Variants in AGK observed in about 807,000 individuals in gnomAD.
AGK encodes the protein acylglycerol kinase, also known as acylglycerol kinase, mitochondrial.
In AGK, 52 loss-of-function variants were observed where a neutral mutation model predicts 66.4. The observed-to-expected ratio is 0.78, with a 90% CI of 0.63 to 0.99. AGK has a LOEUF of 0.99. Among genes scored for constraint, AGK ranks in the 50% least tolerant of loss-of-function variants. The pLI, the probability that AGK is intolerant of heterozygous loss-of-function variation, is 0.00. For missense variants in AGK, 451 were observed against 506.6 expected (o/e 0.89, Z 1.05); for synonymous variants, 182 against 181.1 (o/e 1.00, Z -0.04).
chr7:141,578,503 AATAAC>A (rs1310718861), intron 2 of AGK, among the ~76,000 whole-genome samples: 2 of 151,776 alleles, frequency 1.3e-5, no homozygotes, highest in African/African-American at 4.9e-5. Context: ...TAATAAGAAA[AATAAC>A]ATAAAATAGT....
chr7:141,609,090 A>T (rs1169991638), intron 5 of AGK, among the ~76,000 whole-genome samples: 1 of 152,182 alleles, frequency 6.6e-6, no homozygotes, highest in Non-Finnish European at 1.5e-5. Context: ...CTAAAATTAG[A>T]TGGTAGTATT....
At chr7:141,605,010 G>C (rs921201217) in intron 5 of AGK, among the ~76,000 whole-genome samples, 2 of 150,332 alleles carry the variant, frequency 1.3e-5, no homozygotes, top group Non-Finnish European at 3.0e-5. Flanking sequence ...TTTATCTACT[G>C]TTTTGTTATA....
chr7:141,628,869 G>A (rs539304847), intron 9 of AGK, among the ~76,000 whole-genome samples: 1 of 152,286 alleles, frequency 6.6e-6, no homozygotes, highest in South Asian at 2.1e-4. Context: ...AGACATCTAT[G>A]ATGCCTGATA....
In AGK at chr7:141,579,882, GA is replaced by G. The variant is rs747883082; in HGVS notation, c.102-13263del. Among the ~76,000 whole-genome samples, 4 of 151,964 alleles carry G rather than the reference GA, an allele frequency of 2.6e-5. No homozygotes were observed. In the South Asian group the frequency reaches 6.2e-4, roughly 24 times the overall value. ...TTAATAAGTGGAAGTTTCAGTAGGG[GA>G]GTAGGTGGGAGTGACCAATGAGAAG... is the stretch of plus-strand genomic sequence containing the variant. On this transcript the variant is annotated intron_variant, in intron 2 of 15. Transcript: ENST00000649286.
chr7:141,589,019 C>T lies in AGK; in HGVS notation c.102-4127C>T, dbSNP rs373368912. ...TCAGCAAGGTCTTTATCAGCTATAT[C>T]ATATGCCGCCCTCCTATCTCATCCT... is the stretch of plus-strand genomic sequence containing the variant. On this transcript the variant is annotated intron_variant, in intron 2 of 15. Coordinates refer to ENST00000649286, the MANE Select transcript of AGK (RefSeq NM_018238.4). 3.9e-5 allele frequency among the ~76,000 whole-genome samples: 6 copies of T among 152,260 alleles called. No homozygotes were observed. The South Asian group carries it at 8.3e-4, about 21-fold the overall frequency.
rs1047132690 is a variant in AGK at position 141,653,795 on chromosome 7, G to A, written c.*871G>A. 5.9e-5 allele frequency: 9 copies of A among 152,178 alleles called. No individual in the cohort carries two copies. The highest frequency in any genetic ancestry group is 1.3e-4 in the Non-Finnish European group (9 of 68,038). 9.4% of individuals were successfully genotyped at this position (152,178 alleles called of 1,614,324 possible). A position where few individuals can be genotyped will look rare whatever the true frequency, so the allele number is the denominator to read the frequency against. ...AGTTGATATCTAAAATTTTATCTAA[G>A]TTGGTATCTAAAATTTTTCATGGGA... On this transcript the variant is annotated 3_prime_UTR_variant, in exon 16 of 16. Coordinates refer to ENST00000649286, the MANE Select transcript of AGK (RefSeq NM_018238.4).
intron 2 of AGK, among the ~76,000 whole-genome samples, chr7:141,562,959 G>T (rs1045832571): frequency 6.6e-6 from 1 of 152,156 alleles, no homozygotes; most frequent in Non-Finnish European, 1.5e-5. Flanking sequence ...TCCTAAATTT[G>T]TTCCAGCTCT....
At chr7:141,554,267 G>T (rs1795160940) in intron 1 of AGK, among the ~76,000 whole-genome samples, 1 of 151,450 alleles carries the variant, frequency 6.6e-6, no homozygotes, top group South Asian at 2.1e-4. Flanking sequence ...GATTTGTTTG[G>T]GCCCAGAAGT....
Position 141,592,391 on chromosome 7 carries a change from T to C in AGK, c.102-755T>C, listed in dbSNP as rs530737825. Among the ~76,000 whole-genome samples the C allele has an allele frequency of 1.4e-4, 21 of 152,272 alleles. No homozygotes were observed. In the South Asian group the frequency reaches 2.1e-3, roughly 15 times the overall value. ...AAAGTTGCATTTTTCTGACCATTCT[T>C]CCATAATCACGTCTGCCTCTGATCA... On this transcript the variant is annotated intron_variant, in intron 2 of 15. Transcript: ENST00000649286.
intron 15 of AGK, chr7:141,652,568 A>G (rs567419510): frequency 2.4e-6 from 1 of 424,480 alleles, no homozygotes; most frequent in African/African-American, 1.9e-5. Flanking sequence ...AAGAAAATAA[A>G]TCCTTTTTCA....
At chr7:141,636,006 T>C (rs547026724) in intron 10 of AGK, among the ~76,000 whole-genome samples, 5 of 152,346 alleles carry the variant, frequency 3.3e-5, no homozygotes, top group African/African-American at 1.2e-4. Context: ...GTTGAGTGAT[T>C]TGTTAACAGA....
chr7:141,574,824 G>A (rs1795698940), intron 2 of AGK, among the ~76,000 whole-genome samples: 2 of 152,198 alleles, frequency 1.3e-5, no homozygotes, highest in Admixed American at 1.3e-4. Context: ...GATAAGAAGG[G>A]AAGTTGTGGT....
chr7:141,552,865 C>T lies in AGK; in HGVS notation c.-15+1431C>T, dbSNP rs192796541. On this transcript the variant is annotated intron_variant, in intron 1 of 15. Transcript: ENST00000649286. Reference sequence around the variant, plus strand: ...GAACAAATAGGCCTTGCTAAATTCTCCCCAGCGTATTACTGTTAGATCATA... The same window carrying T: ...GAACAAATAGGCCTTGCTAAATTCTTCCCAGCGTATTACTGTTAGATCATA... 2.5e-4 allele frequency among the ~76,000 whole-genome samples: 38 copies of T among 152,294 alleles called. 1 individual carries two copies. The East Asian group carries it at 6.6e-3, about 26-fold the overall frequency.
chr7:141,559,909 A>G (rs1018695898), intron 2 of AGK, among the ~76,000 whole-genome samples: 1 of 151,834 alleles, frequency 6.6e-6, no homozygotes, highest in African/African-American at 2.4e-5. Flanking sequence ...ATATAGAAAT[A>G]TAACTGATTT....
chr7:141,593,387 G>A (rs778436744), intron 3 of AGK: 6 of 704,380 alleles, frequency 8.5e-6, no homozygotes, highest in Admixed American at 2.0e-5. Flanking sequence ...CAGTTCTGAC[G>A]CCCACCCCTA....
At position 141,652,962 on chromosome 7, in the gene AGK, C is replaced by CCA. The variant is rs766243618; in HGVS notation, c.*40_*41dup. On this transcript the variant is annotated 3_prime_UTR_variant, in exon 16 of 16. Coordinates refer to ENST00000649286, the MANE Select transcript of AGK (RefSeq NM_018238.4). ...AAGCACTCTGAGACCACACTTTAGG[C>CCA]CACCGGTGGGACCAAAAGGGAACAG... 6.2e-7 allele frequency: 1 copy of CCA among 1,610,892 alleles called. No individual in the cohort carries two copies. The highest frequency in any genetic ancestry group is 1.1e-5 in the South Asian group (1 of 90,914).
rs931627281 is a variant in AGK at position 141,555,953 on chromosome 7, G to A, written c.101+386G>A. On this transcript the variant is annotated intron_variant, in intron 2 of 15. Transcript: ENST00000649286. The surrounding 1 kb of genome is among the most constrained non-coding windows in gnomAD (Gnocchi z 4.2). ...GCCAAAGTTAAGGACGTGCGCCTGC[G>A]ACACAGCCTCAGGAAGTTCTGATGA... 3.3e-5 allele frequency among the ~76,000 whole-genome samples: 5 copies of A among 152,196 alleles called. No individual in the cohort carries two copies. The highest frequency in any genetic ancestry group is 1.2e-4 in the African/African-American group (5 of 41,452).
chr7:141,604,374 G>GTGTGTATATATATATATATATATA, intron 5 of AGK, among the ~76,000 whole-genome samples: 1 of 113,802 alleles, frequency 8.8e-6, no homozygotes, highest in African/African-American at 3.4e-5. Context: ...GTGTGTGTGT[G>GTGTGTATATATATATATATATATA]TATATATATA....
In AGK at chr7:141,584,132, G is replaced by A. The variant is rs546932353; in HGVS notation, c.102-9014G>A. On this transcript the variant is annotated intron_variant, in intron 2 of 15. Coordinates refer to ENST00000649286, the MANE Select transcript of AGK (RefSeq NM_018238.4). ...ACCTGGGTGCAGGTGGGCCGAGTCCGAAAAGAGAGTCAGCGAAGGGAGATA... is the reference window on the plus strand; with the variant it reads ...ACCTGGGTGCAGGTGGGCCGAGTCCAAAAAGAGAGTCAGCGAAGGGAGATA... Among the ~76,000 whole-genome samples, 318 of 152,172 alleles carry A rather than the reference G, an allele frequency of 2.1e-3. 3 individuals are homozygous for A. Among genetic ancestry groups the A allele is most frequent in the African/African-American group, 7.3e-3 (302 of 41,498 alleles).
Sources: gnomAD v4.1 joint callset for allele counts (sites outside exome capture counted in the v4.1 genomes callset) on GRCh38, gnomAD v4.1.1 for gene constraint, Gnocchi (gnomAD v3.1) non-coding constraint, MANE v1.5 for transcripts, NCBI Gene and HGNC (gene_info 2026-07-23, HGNC 2026-07-21) for gene names.